The following SEC14L5 variants were observed in gnomAD, a reference collection of about 807,000 sequenced individuals.
SEC14L5 encodes SEC14-like protein 5.
SEC14L5 carries 96 observed loss-of-function variants against 84.6 expected under a neutral mutation model. The observed-to-expected ratio is 1.13, with a 90% CI of 0.96 to 1.34. SEC14L5 has a LOEUF of 1.34. Among genes scored for constraint, SEC14L5 ranks in the 40% most tolerant of loss-of-function variants. SEC14L5 has a pLI of 0.00. For synonymous variants in SEC14L5, 546 were observed against 383.4 expected, an observed-to-expected ratio of 1.42 and a Z score of -4.95; for missense variants, 1,224 against 942.5, an observed-to-expected ratio of 1.30 and a Z score of -3.91.
intron 14 of SEC14L5, among the ~76,000 whole-genome samples, chr16:5,010,112 G>C (rs1309356543): frequency 2.7e-5 from 4 of 150,380 alleles, no homozygotes; most frequent in Non-Finnish European, 4.4e-5. Context: ...GGAGGCCGAG[G>C]CAGGTGAATC....
intron 2 of SEC14L5, among the ~76,000 whole-genome samples, chr16:4,968,140 C>T (rs1385799375): frequency 6.6e-6 from 1 of 151,556 alleles, no homozygotes; most frequent in Non-Finnish European, 1.5e-5. Context: ...CCACCTCAGC[C>T]TTCTAAATAG....
intron 2 of SEC14L5, among the ~76,000 whole-genome samples, chr16:4,969,815 C>CT (rs199591914): frequency 4.5e-5 from 6 of 133,960 alleles, no homozygotes; most frequent in Non-Finnish European, 9.7e-5. Context: ...GGTTCTTTTT[C>CT]TTTCCTTTTT....
intron 15 of SEC14L5, among the ~76,000 whole-genome samples, chr16:5,013,648 T>C (rs1456082224): frequency 7.4e-6 from 1 of 134,568 alleles, no homozygotes; most frequent in African/African-American, 2.8e-5. Context: ...AACCTCCGCC[T>C]CCTGGGTTCA....
chr16:4,986,534 C>G lies in SEC14L5; in HGVS notation c.64-1023C>G, dbSNP rs568565805. Among the ~76,000 whole-genome samples, 304 of 152,262 alleles carry G rather than the reference C, an allele frequency of 2.0e-3. 2 individuals are homozygous for G. The highest frequency in any genetic ancestry group is 6.7e-3 in the African/African-American group (279 of 41,548). On this transcript the variant is annotated intron_variant, in intron 2 of 15. Coordinates refer to ENST00000251170, the MANE Select transcript of SEC14L5 (RefSeq NM_014692.2). Reference sequence around the variant, plus strand: ...TGGTTATCTTGGGTCTGTTGTATTTCCATATGAATTTTGGGATAAGCTTGT... The same window carrying G: ...TGGTTATCTTGGGTCTGTTGTATTTGCATATGAATTTTGGGATAAGCTTGT...
intron 4 of SEC14L5, among the ~76,000 whole-genome samples, chr16:4,988,985 G>A (rs1345683783): frequency 6.6e-6 from 1 of 152,230 alleles, no homozygotes; most frequent in African/African-American, 2.4e-5. Context: ...AAGGTGGTAG[G>A]GGCACTGAAG....
chr16:4,990,870 A>G lies in SEC14L5; in HGVS notation c.449A>G (p.Lys150Arg). Residue 150 changes from lysine to arginine, a missense_variant, in exon 5 of 16, where the codon AAG (lysine) becomes AGG (arginine). Physicochemically the swap from Lys to Arg is conservative, Grantham distance 26. Transcript: ENST00000251170. ...FENALEKIAM[K>R]QYTANVKRGK... ...AATGCCTTGGAGAAGATCGCCATGA[A>G]GCAGTACACCGCCAACGTCAAGAGG... 6.2e-7 allele frequency: 1 copy of G among 1,608,310 alleles called. No individual in the cohort carries two copies. The highest frequency in any genetic ancestry group is 8.5e-7 in the Non-Finnish European group (1 of 1,177,270).
intron 2 of SEC14L5, among the ~76,000 whole-genome samples, chr16:4,976,659 G>A (rs573500673): frequency 7.9e-5 from 12 of 152,284 alleles, no homozygotes; most frequent in Admixed American, 3.9e-4. Context: ...ATGGGGACCC[G>A]TAAGAGGCAG....
At chr16:4,987,783 G>A in intron 3 of SEC14L5, 77 bp downstream of exon 3, 1 of 1,151,078 alleles carries the variant, frequency 8.7e-7, no homozygotes, top group Non-Finnish European at 1.2e-6. Context: ...CGGGAGCTGG[G>A]GACCAGGGCG....
chr16:4,995,627 T>TC (rs1955600713), intron 6 of SEC14L5, among the ~76,000 whole-genome samples: 1 of 144,780 alleles, frequency 6.9e-6, no homozygotes, highest in Non-Finnish European at 1.5e-5. Flanking sequence ...TCTCTCTCTT[T>TC]TTTTTTTTTT....
intron 4 of SEC14L5, among the ~76,000 whole-genome samples, chr16:4,989,249 C>T (rs893350034): frequency 2.0e-5 from 3 of 150,694 alleles, no homozygotes; most frequent in Non-Finnish European, 4.4e-5. Flanking sequence ...CTTGCTGGAT[C>T]GTTTTCACGA....
chr16:4,991,638 T>C (rs912647255), intron 5 of SEC14L5, among the ~76,000 whole-genome samples, 200 bp from the exon 6 acceptor site: 1 of 152,108 alleles, frequency 6.6e-6, no homozygotes, highest in Non-Finnish European at 1.5e-5. Flanking sequence ...GCATTCTTTG[T>C]TTCGTACCAA....
chr16:4,983,589 A>G (rs867188756), intron 2 of SEC14L5, among the ~76,000 whole-genome samples: 28 of 151,054 alleles, frequency 1.9e-4, no homozygotes, highest in Admixed American at 1.1e-3. Context: ...ATATATGTAT[A>G]CATGTGGCCA....
In SEC14L5 at chr16:5,016,839, G is replaced by T. The variant is rs1051043613; in HGVS notation, c.*1869G>T. On this transcript the variant is annotated 3_prime_UTR_variant, in exon 16 of 16. Transcript: ENST00000251170. ...GAGAGCCTTGCCCACCTTCCTGTTG[G>T]CTCTCTGTCCGCTTCTCAGGTATCT... 1 of 152,166 alleles carries T rather than the reference G, an allele frequency of 6.6e-6. No individual in the cohort carries two copies. The highest frequency in any genetic ancestry group is 1.5e-5 in the Non-Finnish European group (1 of 68,026). 9.4% of individuals were successfully genotyped at this position (152,166 alleles called of 1,614,324 possible).
intron 2 of SEC14L5, among the ~76,000 whole-genome samples, chr16:4,971,381 G>T (rs9888880): frequency 6.6e-6 from 1 of 151,388 alleles, no homozygotes; most frequent in Non-Finnish European, 1.5e-5. Context: ...ATCAGTGGAG[G>T]CCAGGAGGTC....
intron 2 of SEC14L5, among the ~76,000 whole-genome samples, chr16:4,971,091 CAAAAAAAAA>C (rs34842525): frequency 4.1e-5 from 3 of 73,932 alleles, no homozygotes; most frequent in African/African-American, 1.5e-4. Flanking sequence ...GTGACAGAGC[CAAAAAAAAA>C]AAAAAAAAAG....
chr16:4,963,682 C>T (rs1955158017), intron 2 of SEC14L5, among the ~76,000 whole-genome samples: 1 of 151,432 alleles, frequency 6.6e-6, no homozygotes, highest in Admixed American at 6.6e-5. Context: ...GAGACAGAGT[C>T]TCGCCCTGTT....
rs1433806991 is a variant in SEC14L5 at position 4,958,400 on chromosome 16, G to C, written c.-97G>C. 6.5e-6 allele frequency: 1 copy of C among 152,688 alleles called. No individual in the cohort carries two copies. Among genetic ancestry groups the C allele is most frequent in the African/African-American group, 2.4e-5 (1 of 41,460 alleles). The allele number at this position is 152,688 out of a possible 1,614,324, so 9.5% of individuals were successfully genotyped here. On this transcript the variant is annotated 5_prime_UTR_variant, in exon 1 of 16. Coordinates refer to ENST00000251170, the MANE Select transcript of SEC14L5 (RefSeq NM_014692.2). ...GCTGTCCTGGCCGCAGGGTGTTCAA[G>C]GCGGGACACACCAGGCTAGAGATCC...
chr16:4,993,332 C>T (rs1955572660), intron 6 of SEC14L5, among the ~76,000 whole-genome samples: 1 of 152,176 alleles, frequency 6.6e-6, no homozygotes, highest in South Asian at 2.1e-4. Flanking sequence ...ACCTCTGCCT[C>T]CCGGCTTCAA....
Position 5,006,064 on chromosome 16 carries a change from C to A in SEC14L5, c.1437+16C>A, listed in dbSNP as rs745899765. ...AGAGAGTGTGGTGAGGCTTCCATGTCCACAGACAGACCTGGGCTTGAGGAG... is the reference window on the plus strand; with the variant it reads ...AGAGAGTGTGGTGAGGCTTCCATGTACACAGACAGACCTGGGCTTGAGGAG... On this transcript the variant is annotated intron_variant, in intron 12 of 15. Transcript: ENST00000251170. 4 of 1,612,712 alleles carry A rather than the reference C, an allele frequency of 2.5e-6. No homozygotes were observed. The highest frequency in any genetic ancestry group is 3.4e-6 in the Non-Finnish European group (4 of 1,179,254).
Sources: allele counts gnomAD v4.1 joint callset (sites outside exome capture counted in the v4.1 genomes callset), GRCh38; gene constraint gnomAD v4.1.1; transcripts MANE v1.5; gene names NCBI Gene and HGNC (gene_info 2026-07-23, HGNC 2026-07-21).